Variants in STAT5B observed in about 807,000 individuals in gnomAD.
STAT5B encodes the protein signal transducer and activator of transcription 5B, also known as transcription factor STAT5B.
STAT5B carries 21 observed loss-of-function variants against 107.8 expected under a neutral mutation model. That is an observed-to-expected ratio of 0.19 (90% confidence interval 0.14 to 0.28). The LOEUF (loss-of-function observed/expected upper bound fraction) is 0.28. STAT5B is among the 10% of genes least tolerant of loss of function. STAT5B has a pLI of 1.00. For synonymous variants in STAT5B, 325 were observed against 401.7 expected, an observed-to-expected ratio of 0.81 and a Z score of 2.28; for missense variants, 565 against 1,008.2, an observed-to-expected ratio of 0.56 and a Z score of 5.95.
chr17:42,200,993 T>C lies in STAT5B; in HGVS notation c.*745A>G. 7.5e-6 allele frequency: 3 copies of C among 399,438 alleles called. No individual in the cohort carries two copies. The highest frequency in any genetic ancestry group is 1.3e-5 in the Non-Finnish European group (3 of 227,078). 24.7% of individuals were successfully genotyped at this position (399,438 alleles called of 1,614,324 possible). A position where few individuals can be genotyped will look rare whatever the true frequency, so the allele number is the denominator to read the frequency against. Reference sequence around the variant, plus strand: ...TTTCTCTCCTCTATTTCTCCAAACATATGTGCACACCCAGAGGAACTGAGT... The same window carrying C: ...TTTCTCTCCTCTATTTCTCCAAACACATGTGCACACCCAGAGGAACTGAGT... On this transcript the variant is annotated 3_prime_UTR_variant, in exon 19 of 19. Coordinates refer to ENST00000293328, the MANE Select transcript of STAT5B (RefSeq NM_012448.4).
chr17:42,246,369 A>T (rs1045455402), intron 1 of STAT5B, among the ~76,000 whole-genome samples: 9 of 152,174 alleles, frequency 5.9e-5, no homozygotes, highest in African/African-American at 2.2e-4. Flanking sequence ...TAGAACATTC[A>T]GAATTATAAA....
At chr17:42,282,426 T>C in the STAT5B span, among the ~76,000 whole-genome samples, 44 of 152,168 alleles carry the variant, frequency 2.9e-4, 1 homozygote, top group South Asian at 9.1e-3. Context: ...CAGGTTCAAG[T>C]GATTCTCCTG....
In STAT5B at chr17:42,202,347, G is replaced by T. The variant is rs745998088; in HGVS notation, c.2230C>A (p.Pro744Thr). The change falls in exon 18 of 19, where the codon CCA (proline) becomes ACA (threonine). Residue 744 changes from proline (P) to threonine (T), a missense_variant. Physicochemically the swap from Pro to Thr is conservative, Grantham distance 38 (BLOSUM62 -1). Coordinates refer to ENST00000293328, the MANE Select transcript of STAT5B (RefSeq NM_012448.4). ...VCPQAHYNMYPQNPDSVLDTD... is the reference protein window; with the variant it reads ...VCPQAHYNMYTQNPDSVLDTD... ...CACAAGAATGCCACCTACTTCTGTG[G>T]GTACATGTTATAGTGAGCCTGGGGA... is the stretch of plus-strand genomic sequence containing the variant. 6.2e-7 allele frequency: 1 copy of T among 1,614,092 alleles called. No homozygotes were observed. Among genetic ancestry groups the T allele is most frequent in the African/African-American group, 1.3e-5 (1 of 74,932 alleles).
intron 12 of STAT5B, among the ~76,000 whole-genome samples, chr17:42,214,778 G>A (rs969775348): frequency 1.3e-5 from 2 of 152,134 alleles, no homozygotes; most frequent in East Asian, 1.9e-4. Context: ...GAGACAGGGT[G>A]TCGCTTTGTC....
chr17:42,258,208 G>A (rs1197130097), intron 1 of STAT5B, among the ~76,000 whole-genome samples: 1 of 152,054 alleles, frequency 6.6e-6, no homozygotes, highest in African/African-American at 2.4e-5. Context: ...ACCTACTTTT[G>A]GCAACATAGT....
intron 1 of STAT5B, among the ~76,000 whole-genome samples, chr17:42,246,519 A>T (rs1220340950): frequency 6.6e-6 from 1 of 152,160 alleles, no homozygotes; most frequent in Non-Finnish European, 1.5e-5. Flanking sequence ...ACATATATTT[A>T]TATATATTAG....
At chr17:42,274,263 T>G (rs1013187152) in intron 1 of STAT5B, among the ~76,000 whole-genome samples, 4 of 148,590 alleles carry the variant, frequency 2.7e-5, no homozygotes, top group African/African-American at 7.5e-5. Context: ...AACTTTTTTT[T>G]TCTGATGGTT....
chr17:42,215,675 G>A (rs2080164980), intron 12 of STAT5B, among the ~76,000 whole-genome samples: 1 of 152,120 alleles, frequency 6.6e-6, no homozygotes, highest in African/African-American at 2.4e-5. Context: ...CTGGAGTGCA[G>A]TGGTGCGATC....
chr17:42,207,998 G>A (rs568609321), intron 15 of STAT5B, among the ~76,000 whole-genome samples: 4 of 152,222 alleles, frequency 2.6e-5, no homozygotes, highest in Non-Finnish European at 4.4e-5. Context: ...TGGTTCAAGC[G>A]ATTCTCCTGC....
At chr17:42,277,224 A>G (rs187763983), upstream of STAT5B, among the ~76,000 whole-genome samples, 13 of 152,214 alleles carry the variant, frequency 8.5e-5, no homozygotes, top group African/African-American at 3.1e-4. Flanking sequence ...TGCTACGTCT[A>G]TCTCCCGGAG....
chr17:42,223,792 A>T (rs1221502695), intron 4 of STAT5B, among the ~76,000 whole-genome samples: 1 of 152,104 alleles, frequency 6.6e-6, no homozygotes, highest in Non-Finnish European at 1.5e-5. Context: ...TCCATTTCAG[A>T]TCTGACCTCC....
intron 1 of STAT5B, among the ~76,000 whole-genome samples, chr17:42,249,411 A>G (rs1228250277): frequency 6.6e-6 from 1 of 152,080 alleles, no homozygotes; most frequent in Admixed American, 6.6e-5. Flanking sequence ...TAAAAAGAAA[A>G]AGAAGATGGT....
chr17:42,270,333 G>A (rs992208990), intron 1 of STAT5B, among the ~76,000 whole-genome samples: 4 of 152,110 alleles, frequency 2.6e-5, no homozygotes, highest in African/African-American at 9.7e-5. Context: ...GCAAAATAAA[G>A]TTGTAAATAA....
At chr17:42,264,978 A>C (rs2144409418) in intron 1 of STAT5B, among the ~76,000 whole-genome samples, 1 of 121,042 alleles carries the variant, frequency 8.3e-6, no homozygotes, top group South Asian at 3.1e-4. Context: ...GCATTTTTTC[A>C]TGTGTTTTTT....
In STAT5B at chr17:42,203,573, C is replaced by T. The variant is rs369057250; in HGVS notation, c.2078-765G>A. 2.6e-5 allele frequency among the ~76,000 whole-genome samples: 4 copies of T among 152,148 alleles called. No homozygotes were observed. The East Asian group carries it at 7.7e-4, about 29-fold the overall frequency. ...GGGAAGAATGTTCTAAGTAGAACTG[C>T]CAGGAAAAGAAATGATTTATCTTAG... On this transcript the variant is annotated intron_variant, in intron 16 of 18. Transcript: ENST00000293328.
At chr17:42,287,337 C>CCCG in the STAT5B span, among the ~76,000 whole-genome samples, 1 of 151,036 alleles carries the variant, frequency 6.6e-6, no homozygotes, top group African/African-American at 2.5e-5. Flanking sequence ...TGCACCCCCC[C>CCCG]CAACAGAACA....
rs542826350 is a variant in STAT5B at position 42,264,208 on chromosome 17, A to T, written c.-11+12040T>A. The stretch of plus-strand genomic sequence containing the variant: ...CCTTTTGTACAAATCTTTTTTTTTT[A>T]ATTTATTTATTATTATACTTTAAGT... On this transcript the variant is annotated intron_variant, in intron 1 of 18. Coordinates refer to ENST00000293328, the MANE Select transcript of STAT5B (RefSeq NM_012448.4). Among the ~76,000 whole-genome samples the T allele has an allele frequency of 2.8e-3, 420 of 150,602 alleles. 1 individual carries two copies. The highest frequency in any genetic ancestry group is 5.0e-3 in the Non-Finnish European group (338 of 67,608).
At chr17:42,231,529 A>T (rs1240502967) in intron 2 of STAT5B, among the ~76,000 whole-genome samples, 1 of 152,128 alleles carries the variant, frequency 6.6e-6, no homozygotes, top group African/African-American at 2.4e-5. Flanking sequence ...TTGTACAGAG[A>T]CAGGGTTTTG....
intron 12 of STAT5B, among the ~76,000 whole-genome samples, chr17:42,212,807 A>C (rs1343306597): frequency 1.3e-5 from 2 of 152,180 alleles, no homozygotes; most frequent in African/African-American, 4.8e-5. Flanking sequence ...TCAATAGGTG[A>C]TTTTCACATG....
Sources: gnomAD v4.1 joint callset for allele counts (sites outside exome capture counted in the v4.1 genomes callset) on GRCh38, gnomAD v4.1.1 for gene constraint, MANE v1.5 for transcripts, NCBI Gene and HGNC (gene_info 2026-07-23, HGNC 2026-07-21) for gene names.